Variants in TBX20 observed in about 807,000 individuals in gnomAD.
TBX20 encodes the protein T-box transcription factor TBX20.
A neutral mutation model predicts 42.9 loss-of-function variants in TBX20; 8 were observed. The ratio of observed to expected loss-of-function variants is 0.19; its 90% CI spans 0.11 to 0.34. The LOEUF (loss-of-function observed/expected upper bound fraction) is 0.34, where lower values mean the gene tolerates loss of function less well. TBX20 is among the 10% of genes least tolerant of loss of function. The pLI is 1.00. For missense variants in TBX20, 411 were observed against 566.0 expected (o/e 0.73, Z 2.78); for synonymous variants, 198 against 222.8 (o/e 0.89, Z 0.99).
intron 3 of TBX20, among the ~76,000 whole-genome samples, chr7:35,247,605 A>C (rs1790218764): frequency 6.6e-6 from 1 of 152,214 alleles, no homozygotes; most frequent in South Asian, 2.1e-4. Context: ...TTGTCTGTTG[A>C]TTCTCTGCCT....
At chr7:35,252,510 T>C (rs1315222651) in intron 1 of TBX20, among the ~76,000 whole-genome samples, 1 of 152,184 alleles carries the variant, frequency 6.6e-6, no homozygotes, top group Non-Finnish European at 1.5e-5. Flanking sequence ...TCTCTAACAC[T>C]TCCTTTTTTT....
intron 7 of TBX20, 106 bp downstream of exon 7, chr7:35,204,364 C>T (rs950150683): frequency 1.2e-4 from 94 of 764,022 alleles, no homozygotes; most frequent in Non-Finnish European, 1.6e-4. Context: ...AATCCTTTCC[C>T]GGCATCGTGT....
At chr7:35,224,295 C>T (rs1789733130) in intron 6 of TBX20, among the ~76,000 whole-genome samples, 1 of 152,212 alleles carries the variant, frequency 6.6e-6, no homozygotes, top group African/African-American at 2.4e-5. Context: ...ACAAAACCAA[C>T]TAATTGTTTC....
In TBX20 at chr7:35,253,677, T is replaced by G; in HGVS notation, c.-57A>C. The G allele has an allele frequency of 6.3e-7, 1 of 1,582,430 alleles. No individual in the cohort carries two copies. ...GGGTCGTCCGAACTGCCGTCCAGATTCCCCAAGGGAGACAAAGACCCGAAA... is the reference window on the plus strand; with the variant it reads ...GGGTCGTCCGAACTGCCGTCCAGATGCCCCAAGGGAGACAAAGACCCGAAA... On this transcript the variant is annotated 5_prime_UTR_variant, in exon 1 of 8. Coordinates refer to ENST00000408931, the MANE Select transcript of TBX20 (RefSeq NM_001077653.2).
chr7:35,235,576 G>A (rs1193968176), intron 5 of TBX20, among the ~76,000 whole-genome samples: 2 of 152,218 alleles, frequency 1.3e-5, no homozygotes, highest in Non-Finnish European at 2.9e-5. Context: ...ACACTAACAA[G>A]CAAGGTTAGT....
chr7:35,236,930 A>G (rs1435296895), intron 5 of TBX20, among the ~76,000 whole-genome samples: 1 of 930 alleles, frequency 1.1e-3, no homozygotes, highest in Non-Finnish European at 1.8e-3. Context: ...TATTAATTAG[A>G]AATAAACCTT....
chr7:35,244,814 T>C, intron 4 of TBX20, 135 bp downstream of exon 4: 1 of 689,026 alleles, frequency 1.5e-6, no homozygotes, highest in South Asian at 1.5e-5. Flanking sequence ...CACATAAATG[T>C]TCCCATAAAA....
At chr7:35,231,138 T>G (rs1347348936) in intron 6 of TBX20, among the ~76,000 whole-genome samples, 2 of 152,214 alleles carry the variant, frequency 1.3e-5, no homozygotes, top group Non-Finnish European at 2.9e-5. Context: ...AGCAAATATA[T>G]CTACTTGGGA....
chr7:35,243,566 T>G (rs1790122702), intron 4 of TBX20, among the ~76,000 whole-genome samples: 2 of 152,138 alleles, frequency 1.3e-5, no homozygotes, highest in African/African-American at 2.4e-5. Context: ...CATCTTTCCC[T>G]GCAAAAATTT....
chr7:35,215,838 A>G, intron 6 of TBX20, among the ~76,000 whole-genome samples: 1 of 152,174 alleles, frequency 6.6e-6, no homozygotes, highest in East Asian at 1.9e-4. Context: ...CTCTGCCAAA[A>G]CATTCAGAAC....
At position 35,251,180 on chromosome 7, in the gene TBX20, T is replaced by C. The variant is rs185382583; in HGVS notation, c.128-977A>G. Among the ~76,000 whole-genome samples, 190 of 152,332 alleles carry C rather than the reference T, an allele frequency of 1.2e-3. 1 individual carries two copies. Among genetic ancestry groups the C allele is most frequent in the Admixed American group, 5.6e-3 (85 of 15,308 alleles). On this transcript the variant is annotated intron_variant, in intron 1 of 7. Transcript: ENST00000408931. ...GAGACTTCTGTAATTGTCCCAATTA[T>C]CTTCCATCCCTTAAAAAAGAAACTA... is the stretch of plus-strand genomic sequence containing the variant.
chr7:35,230,709 A>G (rs1328277419), intron 6 of TBX20, among the ~76,000 whole-genome samples: 2 of 152,220 alleles, frequency 1.3e-5, no homozygotes, highest in African/African-American at 4.8e-5. Flanking sequence ...GAAATTACAC[A>G]GATGTAGAGA....
Position 35,250,903 on chromosome 7 carries a change from G to A in TBX20, c.128-700C>T, listed in dbSNP as rs1283112072. The stretch of plus-strand genomic sequence containing the variant: ...TACAGCTTGCTAAATCACAGGAGCA[G>A]GTTCTGTGGGCCATTTTCAGAAGAG... On this transcript the variant is annotated intron_variant, in intron 1 of 7. Transcript: ENST00000408931. Among the ~76,000 whole-genome samples, 3 of 152,184 alleles carry A rather than the reference G, an allele frequency of 2.0e-5. No homozygotes were observed. In the South Asian group the frequency reaches 6.2e-4, roughly 31 times the overall value.
At chr7:35,227,884 A>G (rs377292759) in intron 6 of TBX20, among the ~76,000 whole-genome samples, 1 of 152,166 alleles carries the variant, frequency 6.6e-6, no homozygotes, top group Non-Finnish European at 1.5e-5. Flanking sequence ...AACGGATAGC[A>G]GTGATGGTTA....
chr7:35,211,434 G>A (rs989311216), intron 6 of TBX20, among the ~76,000 whole-genome samples: 73 of 151,932 alleles, frequency 4.8e-4, no homozygotes, highest in African/African-American at 1.5e-3. Flanking sequence ...TGAATTCTTC[G>A]CCTTTTGTAT....
intron 6 of TBX20, among the ~76,000 whole-genome samples, chr7:35,204,860 G>C (rs1441528575): frequency 6.6e-6 from 1 of 152,140 alleles, no homozygotes; most frequent in Non-Finnish European, 1.5e-5. Flanking sequence ...GGGTGAACAG[G>C]AGCTATGAAA....
intron 6 of TBX20, among the ~76,000 whole-genome samples, chr7:35,212,025 C>A (rs1344120028): frequency 1.3e-5 from 2 of 152,038 alleles, no homozygotes; most frequent in African/African-American, 2.4e-5. Context: ...TTTGTCCCAC[C>A]TCCCAACCAC....
At chr7:35,238,810 C>T (rs1249028281) in intron 5 of TBX20, among the ~76,000 whole-genome samples, 1 of 152,016 alleles carries the variant, frequency 6.6e-6, no homozygotes, top group African/African-American at 2.4e-5. Flanking sequence ...TCAAAGGTTA[C>T]AGTACTTGCC....
intron 5 of TBX20, among the ~76,000 whole-genome samples, chr7:35,234,897 CAG>C (rs1468005900): frequency 6.6e-6 from 1 of 152,068 alleles, no homozygotes; most frequent in Non-Finnish European, 1.5e-5. Flanking sequence ...ATTAGCAGCA[CAG>C]AGATTGTGGA....
Sources: allele counts gnomAD v4.1 joint callset (sites outside exome capture counted in the v4.1 genomes callset), GRCh38; gene constraint gnomAD v4.1.1; transcripts MANE v1.5; gene names NCBI Gene and HGNC (gene_info 2026-07-23, HGNC 2026-07-21).